The following ZNF799 variants were observed in gnomAD, a reference collection of about 807,000 sequenced individuals.
ZNF799 encodes zinc finger protein 799.
In ZNF799, 28 loss-of-function variants were observed where a neutral mutation model predicts 41.0. The observed-to-expected ratio is 0.68, with a 90% CI of 0.51 to 0.94. ZNF799 has a LOEUF of 0.94. Among genes scored for constraint, ZNF799 ranks in the 40% least tolerant of loss-of-function variants. The pLI is 0.00. For synonymous variants in ZNF799, 213 were observed against 252.9 expected, an observed-to-expected ratio of 0.84 and a Z score of 1.50; for missense variants, 716 against 764.3, an observed-to-expected ratio of 0.94 and a Z score of 0.74.
At chr19:12,397,208 T>C (rs183108214) in intron 1 of ZNF799, among the ~76,000 whole-genome samples, 43 of 152,246 alleles carry the variant, frequency 2.8e-4, no homozygotes, top group African/African-American at 9.9e-4. Flanking sequence ...AAACTGAAGG[T>C]CCATTTGTTG....
the ZNF799 span, among the ~76,000 whole-genome samples, chr19:12,410,206 CATACAT>C: frequency 6.8e-6 from 1 of 147,556 alleles, no homozygotes; most frequent in Non-Finnish European, 1.5e-5. Context: ...TACATATACA[CATACAT>C]ATATATACAT....
chr19:12,403,168 A>G (rs556477263), upstream of ZNF799, among the ~76,000 whole-genome samples: 1 of 152,256 alleles, frequency 6.6e-6, no homozygotes, highest in Admixed American at 6.5e-5. Flanking sequence ...GCTATGTTCT[A>G]TCTGCCTAGG....
upstream of ZNF799, among the ~76,000 whole-genome samples, chr19:12,403,972 A>G (rs1970014336): frequency 6.6e-6 from 1 of 152,212 alleles, no homozygotes; most frequent in Non-Finnish European, 1.5e-5. Flanking sequence ...TGTTTCAAGC[A>G]ACTTTACAAT....
Position 12,392,094 on chromosome 19 carries a change from G to T in ZNF799, c.304C>A (p.Pro102Thr). 1 of 1,614,140 alleles carries T rather than the reference G, an allele frequency of 6.2e-7. No homozygotes were observed. Among genetic ancestry groups the T allele is most frequent in the Non-Finnish European group, 8.5e-7 (1 of 1,179,998 alleles). Reference protein sequence around the residue: ...VTKNTLPGVGPYESRMSGEVI... With the variant: ...VTKNTLPGVGTYESRMSGEVI... ...TCTCCACTCATACGGCTTTCATATGGACCTACTCCAGGAAGAGTGTTCTTG... is the reference window on the plus strand; with the variant it reads ...TCTCCACTCATACGGCTTTCATATGTACCTACTCCAGGAAGAGTGTTCTTG... The change falls in exon 4 of 4, where the codon CCA becomes ACA. Residue 102 changes from proline (P) to threonine (T), a missense_variant. Physicochemically the swap from Pro to Thr is conservative, Grantham distance 38 (BLOSUM62 -1). Transcript: ENST00000430385.
chr19:12,401,621 A>C (rs1666212027), upstream of ZNF799, among the ~76,000 whole-genome samples: 2 of 122,940 alleles, frequency 1.6e-5, no homozygotes, highest in African/African-American at 6.4e-5. Context: ...TCCGTGGCTC[A>C]GGCTAGAGTG....
At chr19:12,403,899 C>G (rs1031701342), upstream of ZNF799, among the ~76,000 whole-genome samples, 1 of 152,150 alleles carries the variant, frequency 6.6e-6, no homozygotes, top group Admixed American at 6.5e-5. Flanking sequence ...CTATAAACTT[C>G]CCTCTTAGTA....
At chr19:12,412,723 C>G in the ZNF799 span, among the ~76,000 whole-genome samples, 1 of 151,952 alleles carries the variant, frequency 6.6e-6, no homozygotes, top group Non-Finnish European at 1.5e-5. Context: ...GATCCACGGC[C>G]CACATCCTGT....
the ZNF799 span, among the ~76,000 whole-genome samples, chr19:12,406,467 G>C: frequency 2.0e-5 from 3 of 147,582 alleles, no homozygotes; most frequent in Middle Eastern, 3.3e-3. Context: ...CTGGGCAACA[G>C]AGTGAGACTC....
upstream of ZNF799, among the ~76,000 whole-genome samples, chr19:12,401,882 A>G (rs773543265): frequency 3.3e-5 from 5 of 151,752 alleles, no homozygotes; most frequent in Admixed American, 1.3e-4. Flanking sequence ...CTCCAATTAT[A>G]CTCTTTTTCA....
At chr19:12,396,426 G>C (rs1488462867) in intron 1 of ZNF799, among the ~76,000 whole-genome samples, 1 of 152,210 alleles carries the variant, frequency 6.6e-6, no homozygotes, top group African/African-American at 2.4e-5. Context: ...AAGGTGTGTG[G>C]ATCACCTGAG....
chr19:12,405,853 T>C (rs890758505), upstream of ZNF799, among the ~76,000 whole-genome samples: 1 of 152,258 alleles, frequency 6.6e-6, no homozygotes, highest in Non-Finnish European at 1.5e-5. Context: ...AGTTCATCTC[T>C]GAGAAACCTG....
chr19:12,392,225 A>G lies in ZNF799; in HGVS notation c.192-19T>C, dbSNP rs1273923326. On this transcript the variant is annotated intron_variant, in intron 3 of 3. Coordinates refer to ENST00000430385, the MANE Select transcript of ZNF799 (RefSeq NM_001080821.3). ...ACGACATCTGTAAAAAATGGGAAAT[A>G]TATCACTAAAAGTCGGTCTATAAAT... The G allele has an allele frequency of 1.3e-6, 2 of 1,535,820 alleles. No homozygotes were observed. The highest frequency in any genetic ancestry group is 2.1e-5 in the Admixed American group (1 of 47,466).
At chr19:12,392,549 A>C in intron 3 of ZNF799, 54 bp downstream of exon 3, 1 of 1,296,196 alleles carries the variant, frequency 7.7e-7, no homozygotes, top group Non-Finnish European at 1.1e-6. Context: ...AAATTTTCAT[A>C]TCATTCTCAG....
intron 1 of ZNF799, among the ~76,000 whole-genome samples, chr19:12,397,655 T>C (rs567239889): frequency 6.7e-6 from 1 of 149,774 alleles, no homozygotes; most frequent in Admixed American, 6.6e-5. Context: ...TATAGACTCC[T>C]CAGTTAAAAT....
At chr19:12,392,502 T>G in intron 3 of ZNF799, 101 bp downstream of exon 3, 3 of 1,188,270 alleles carry the variant, frequency 2.5e-6, no homozygotes, top group Admixed American at 2.4e-5. Context: ...AATAAATAAA[T>G]TTAAGCTAGG....
chr19:12,401,541 CTTTTT>C (rs769048606), upstream of ZNF799, among the ~76,000 whole-genome samples: 16 of 41,730 alleles, frequency 3.8e-4, no homozygotes, highest in African/African-American at 4.3e-4. Context: ...AACAATTATA[CTTTTT>C]TTTTTTTTTT....
the ZNF799 span, among the ~76,000 whole-genome samples, chr19:12,413,707 GGAGA>G: frequency 6.6e-6 from 1 of 152,184 alleles, no homozygotes; most frequent in Non-Finnish European, 1.5e-5. Flanking sequence ...GGAATATTGA[GGAGA>G]GAAAGTTACC....
At chr19:12,399,245 C>A (rs1969942871) in intron 1 of ZNF799, among the ~76,000 whole-genome samples, 1 of 152,246 alleles carries the variant, frequency 6.6e-6, no homozygotes, top group African/African-American at 2.4e-5. Context: ...CTGGTCATCA[C>A]CCTCCCAGGA....
the ZNF799 span, among the ~76,000 whole-genome samples, chr19:12,409,425 C>T: frequency 6.6e-6 from 1 of 152,190 alleles, no homozygotes; most frequent in Non-Finnish European, 1.5e-5. Context: ...AACTGCAAGG[C>T]AAATACACAA....
Sources: allele counts gnomAD v4.1 joint callset (sites outside exome capture counted in the v4.1 genomes callset), GRCh38; gene constraint gnomAD v4.1.1; transcripts MANE v1.5; gene names NCBI Gene and HGNC (gene_info 2026-07-23, HGNC 2026-07-21).